Variants in DPP10 observed in about 807,000 individuals in gnomAD.
DPP10 encodes the protein inactive dipeptidyl peptidase 10.
In DPP10, 33 loss-of-function variants were observed where a neutral mutation model predicts 120.9. The observed-to-expected ratio is 0.27, with a 90% CI of 0.21 to 0.37. DPP10 has a LOEUF of 0.37. Ranked by LOEUF, DPP10 falls within the 10% of genes least tolerant of loss-of-function variation. The pLI, the probability that DPP10 is intolerant of heterozygous loss-of-function variation, is 1.00. For synonymous variants in DPP10, 337 were observed against 326.1 expected, an observed-to-expected ratio of 1.03 and a Z score of -0.36; for missense variants, 816 against 942.8, an observed-to-expected ratio of 0.87 and a Z score of 1.76.
At chr2:114,665,805 A>G (rs1444217148) in intron 1 of DPP10, among the ~76,000 whole-genome samples, 2 of 152,208 alleles carry the variant, frequency 1.3e-5, no homozygotes, top group Admixed American at 1.3e-4. Context: ...CTTCACTCAT[A>G]GAAATTACTG....
intron 19 of DPP10, among the ~76,000 whole-genome samples, chr2:115,807,740 C>CA: frequency 6.9e-6 from 1 of 144,340 alleles, no homozygotes; most frequent in African/African-American, 2.6e-5. Flanking sequence ...GGGAGAGATC[C>CA]AAAAAAAGAT....
chr2:114,802,332 T>A (rs539724531), intron 1 of DPP10, among the ~76,000 whole-genome samples: 3 of 152,286 alleles, frequency 2.0e-5, no homozygotes, highest in Admixed American at 6.5e-5. Flanking sequence ...TTTGATTACA[T>A]CCCCAAATAA....
intron 3 of DPP10, among the ~76,000 whole-genome samples, chr2:115,363,311 G>T (rs1166307024): frequency 1.3e-5 from 2 of 152,140 alleles, no homozygotes; most frequent in African/African-American, 4.8e-5. Context: ...ATTTCTCCAA[G>T]ATCCTATTAT....
intron 5 of DPP10, among the ~76,000 whole-genome samples, chr2:115,627,636 A>G (rs774477216): frequency 7.9e-5 from 12 of 152,196 alleles, no homozygotes; most frequent in Non-Finnish European, 1.8e-4. Context: ...TCACATAGGT[A>G]TTAAGTCCTG....
intron 1 of DPP10, among the ~76,000 whole-genome samples, chr2:115,087,528 CT>C (rs1237131767): frequency 1.3e-5 from 1 of 74,216 alleles, no homozygotes; most frequent in South Asian, 4.8e-4. Context: ...TCTTTCTTTT[CT>C]TTTCTTTTCT....
At chr2:114,508,614 C>T (rs2104564271) in intron 1 of DPP10, among the ~76,000 whole-genome samples, 1 of 152,234 alleles carries the variant, frequency 6.6e-6, no homozygotes, top group South Asian at 2.1e-4. Flanking sequence ...AGAAAAAGGA[C>T]ACTGGGTTAC....
At chr2:114,981,436 G>T (rs1211278986) in intron 1 of DPP10, among the ~76,000 whole-genome samples, 1 of 152,044 alleles carries the variant, frequency 6.6e-6, no homozygotes, top group Non-Finnish European at 1.5e-5. Context: ...TTACATAAAA[G>T]ATATACACAT....
At chr2:115,009,255 A>C (rs997204171) in intron 1 of DPP10, among the ~76,000 whole-genome samples, 1 of 151,710 alleles carries the variant, frequency 6.6e-6, no homozygotes, top group African/African-American at 2.4e-5. Flanking sequence ...AGCCATAAAA[A>C]ACGATGAGTT....
intron 3 of DPP10, among the ~76,000 whole-genome samples, chr2:115,427,474 A>G (rs2070588595): frequency 6.6e-6 from 1 of 152,224 alleles, no homozygotes; most frequent in South Asian, 2.1e-4. Context: ...GAAACCACCA[A>G]GGCTTATGGT....
chr2:115,162,081 G>A, intron 1 of DPP10: 9 of 1,485,660 alleles, frequency 6.1e-6, no homozygotes, highest in Non-Finnish European at 7.2e-6. Flanking sequence ...GCTCCAGTGC[G>A]CGCTCCGCCC....
chr2:114,679,017 G>A (rs1698846694), intron 1 of DPP10, among the ~76,000 whole-genome samples: 2 of 151,934 alleles, frequency 1.3e-5, no homozygotes. Flanking sequence ...TGAGACCCTC[G>A]TTCTGCTTTA....
chr2:115,648,830 G>C (rs2087506971), intron 5 of DPP10, among the ~76,000 whole-genome samples: 1 of 151,924 alleles, frequency 6.6e-6, no homozygotes, highest in Non-Finnish European at 1.5e-5. Flanking sequence ...GCAGTAATAG[G>C]AGTCATATGG....
At chr2:115,052,614 A>T (rs1705585649) in intron 1 of DPP10, among the ~76,000 whole-genome samples, 1 of 152,170 alleles carries the variant, frequency 6.6e-6, no homozygotes. Flanking sequence ...GCAAATCAAA[A>T]CCACAGTGAG....
intron 11 of DPP10, among the ~76,000 whole-genome samples, chr2:115,754,239 T>C (rs956290515): frequency 1.3e-5 from 2 of 152,062 alleles, no homozygotes; most frequent in African/African-American, 2.4e-5. Flanking sequence ...GTGACTAGCA[T>C]TTATAGGACA....
At chr2:114,846,125 A>G (rs1688528176) in intron 1 of DPP10, among the ~76,000 whole-genome samples, 1 of 152,118 alleles carries the variant, frequency 6.6e-6, no homozygotes, top group Admixed American at 6.6e-5. Context: ...ATAATTTATC[A>G]TAGGCATAAT....
intron 1 of DPP10, among the ~76,000 whole-genome samples, chr2:114,873,987 T>C (rs1439108834): frequency 1.3e-5 from 2 of 152,284 alleles, no homozygotes; most frequent in East Asian, 3.9e-4. Context: ...CAGTGGAGAA[T>C]GACCACTGTG....
chr2:115,657,022 T>C (rs1227697826), intron 5 of DPP10, among the ~76,000 whole-genome samples: 1 of 151,688 alleles, frequency 6.6e-6, no homozygotes, highest in Non-Finnish European at 1.5e-5. Flanking sequence ...TAAGACAGTA[T>C]TGTGCACTTT....
At chr2:115,299,124 C>T (rs1220051396) in intron 1 of DPP10, among the ~76,000 whole-genome samples, 1 of 151,950 alleles carries the variant, frequency 6.6e-6, no homozygotes, top group Non-Finnish European at 1.5e-5. Context: ...AGCTTTGTGT[C>T]TATTTAGAGG....
intron 7 of DPP10, among the ~76,000 whole-genome samples, chr2:115,723,464 A>G (rs6745078): frequency 0.12 from 18,453 of 152,160 alleles, 1,321 homozygotes; most frequent in Non-Finnish European, 0.16. Flanking sequence ...GTGGATGAAT[A>G]GTAATCCATC....
Sources: gnomAD v4.1 joint callset for allele counts (sites outside exome capture counted in the v4.1 genomes callset) on GRCh38, gnomAD v4.1.1 for gene constraint, MANE v1.5 for transcripts, NCBI Gene and HGNC (gene_info 2026-07-23, HGNC 2026-07-21) for gene names.